SDHC: variants seen among roughly 807,000 people sequenced by gnomAD.
SDHC encodes the protein succinate dehydrogenase complex subunit C, also known as succinate dehydrogenase cytochrome b560 subunit, mitochondrial.
SDHC carries 11 observed loss-of-function variants against 22.6 expected under a neutral mutation model. The ratio of observed to expected loss-of-function variants is 0.49; its 90% CI spans 0.31 to 0.81. The LOEUF (loss-of-function observed/expected upper bound fraction) is 0.81. SDHC is among the 30% of genes least tolerant of loss of function. The pLI is 0.05. For synonymous variants in SDHC, 80 were observed against 77.8 expected, an observed-to-expected ratio of 1.03 and a Z score of -0.15; for missense variants, 160 against 212.0, an observed-to-expected ratio of 0.75 and a Z score of 1.52.
intron 4 of SDHC, among the ~76,000 whole-genome samples, chr1:161,345,538 C>G (rs1671861632): frequency 6.6e-6 from 1 of 152,010 alleles, no homozygotes; most frequent in Non-Finnish European, 1.5e-5. Context: ...CTCACTGCAA[C>G]CTCCACCTCC....
rs574483993 is a variant in SDHC at position 161,317,112 on chromosome 1, G to A, written c.20+2687G>A. On this transcript the variant is annotated intron_variant, in intron 1 of 5. Coordinates refer to ENST00000367975, the MANE Select transcript of SDHC (RefSeq NM_003001.5). ...TGGCTCACTGCAACCGCCCCTGCCC[G>A]GGTTCAAGCATTTCTCCTGCCTCAG... Among the ~76,000 whole-genome samples the A allele has an allele frequency of 2.7e-5, 4 of 150,486 alleles. No individual in the cohort carries two copies. In the South Asian group the frequency reaches 6.4e-4, roughly 24 times the overall value.
At position 161,330,857 on chromosome 1, in the gene SDHC, A is replaced by T. The variant is rs187433491; in HGVS notation, c.179+2360A>T. The stretch of plus-strand genomic sequence containing the variant: ...TCTACGAAGATACAAAAAATTAGCC[A>T]GGTGTGGTGGTGCGCCTGTAGTCCC... On this transcript the variant is annotated intron_variant, in intron 3 of 5. Coordinates refer to ENST00000367975, the MANE Select transcript of SDHC (RefSeq NM_003001.5). Among the ~76,000 whole-genome samples, 37 of 152,064 alleles carry T rather than the reference A, an allele frequency of 2.4e-4. 1 individual carries two copies. The highest frequency in any genetic ancestry group is 2.4e-3 in the Admixed American group (37 of 15,264).
At chr1:161,344,731 T>C (rs1397259044) in intron 4 of SDHC, among the ~76,000 whole-genome samples, 1 of 152,202 alleles carries the variant, frequency 6.6e-6, no homozygotes, top group Non-Finnish European at 1.5e-5. Flanking sequence ...TTATTCCTTA[T>C]AAAATGGGCA....
chr1:161,316,738 TTTTC>T (rs1285353304), intron 1 of SDHC, among the ~76,000 whole-genome samples: 3 of 152,180 alleles, frequency 2.0e-5, no homozygotes, highest in Non-Finnish European at 4.4e-5. Flanking sequence ...AAAATTTTTT[TTTTC>T]TTGATAGAAG....
chr1:161,339,431 C>A, intron 3 of SDHC: 1 of 327,694 alleles, frequency 3.1e-6, no homozygotes, highest in Non-Finnish European at 5.4e-6. Flanking sequence ...ACGGCCCCCG[C>A]CTTGGCCTCC....
At position 161,340,597 on chromosome 1, in the gene SDHC, G is replaced by T; in HGVS notation, c.183G>T (p.Trp61Cys). Reference protein sequence around the residue: ...PLSPHITIYSWSLPMAMSICH... With the variant: ...PLSPHITIYSCSLPMAMSICH... ...GTCTTTGTGTGTTTCTTTACAGTTG[G>T]TCTCTTCCCATGGCGATGTCCATCT... is the stretch of plus-strand genomic sequence containing the variant. Residue 61 changes from tryptophan to cysteine, a missense_variant, in exon 4 of 6, where the codon TGG (tryptophan) becomes TGT (cysteine). By Grantham distance (215) the Trp-to-Cys change is radical. Coordinates refer to ENST00000367975, the MANE Select transcript of SDHC (RefSeq NM_003001.5). The T allele has an allele frequency of 6.2e-7, 1 of 1,613,524 alleles. No homozygotes were observed. Among genetic ancestry groups the T allele is most frequent in the Non-Finnish European group, 8.5e-7 (1 of 1,179,614 alleles).
intron 2 of SDHC, among the ~76,000 whole-genome samples, chr1:161,326,403 A>G (rs1257635718): frequency 1.3e-5 from 2 of 151,990 alleles, no homozygotes. Flanking sequence ...GATCTCATGT[A>G]GGAAGGAATT....
intron 3 of SDHC, among the ~76,000 whole-genome samples, chr1:161,333,037 C>G (rs55754455): frequency 0.037 from 5,686 of 152,314 alleles, 113 homozygotes; most frequent in African/African-American, 0.045. Flanking sequence ...TATTTACTTT[C>G]CATCTTATAA....
At chr1:161,339,143 C>T (rs1275224422) in intron 3 of SDHC, among the ~76,000 whole-genome samples, 4 of 151,870 alleles carry the variant, frequency 2.6e-5, no homozygotes, top group Admixed American at 1.3e-4. Context: ...CCACCGTGCC[C>T]GGCCTATAGT....
At chr1:161,341,569 G>C (rs1219351603) in intron 4 of SDHC, among the ~76,000 whole-genome samples, 1 of 152,144 alleles carries the variant, frequency 6.6e-6, no homozygotes, top group African/African-American at 2.4e-5. Context: ...AAGAGGGTCA[G>C]CTAGATTTAA....
chr1:161,331,139 G>GA lies in SDHC; in HGVS notation c.179+2643dup, dbSNP rs1220585818. ...TGCCTTCTGATGAGATGGTTGAGGG[G>GA]ATCTACTAGTAACATGCTTAATTTC... On this transcript the variant is annotated intron_variant, in intron 3 of 5. Coordinates refer to ENST00000367975, the MANE Select transcript of SDHC (RefSeq NM_003001.5). 3.9e-5 allele frequency among the ~76,000 whole-genome samples: 6 copies of GA among 152,128 alleles called. No individual in the cohort carries two copies. The East Asian group carries it at 1.2e-3, about 29-fold the overall frequency.
chr1:161,349,579 G>T (rs1006795112), intron 4 of SDHC, among the ~76,000 whole-genome samples: 2 of 152,256 alleles, frequency 1.3e-5, no homozygotes, highest in Non-Finnish European at 2.9e-5. Context: ...CAGGCAGGTA[G>T]CCTATTCTCT....
chr1:161,349,770 A>G (rs529038678), intron 4 of SDHC, among the ~76,000 whole-genome samples: 30 of 152,248 alleles, frequency 2.0e-4, no homozygotes, highest in Non-Finnish European at 3.7e-4. Context: ...GCACTTTGGA[A>G]TGAGACAGAT....
At chr1:161,348,162 T>C (rs1671966029) in intron 4 of SDHC, among the ~76,000 whole-genome samples, 1 of 144,170 alleles carries the variant, frequency 6.9e-6, no homozygotes, top group African/African-American at 2.7e-5. Context: ...TTTTTGTTTG[T>C]TTGTTTTTTT....
chr1:161,336,518 C>T (rs1220785664), intron 3 of SDHC, among the ~76,000 whole-genome samples: 1 of 151,674 alleles, frequency 6.6e-6, no homozygotes, highest in Non-Finnish European at 1.5e-5. Flanking sequence ...CTAAATTATT[C>T]TGAATCTGTA....
At chr1:161,360,740 A>T (rs60179510) in intron 5 of SDHC, among the ~76,000 whole-genome samples, 17,777 of 151,924 alleles carry the variant, frequency 0.12, 1,412 homozygotes, top group African/African-American at 0.22. Context: ...TAAAAAGAAA[A>T]GTGGGTTTTA....
chr1:161,327,918 C>G (rs897715738), intron 2 of SDHC, among the ~76,000 whole-genome samples: 1 of 151,472 alleles, frequency 6.6e-6, no homozygotes, highest in Admixed American at 6.6e-5. Flanking sequence ...GTTGCTATAA[C>G]AAGATGGAGT....
chr1:161,339,267 G>A (rs565078830), intron 3 of SDHC, among the ~76,000 whole-genome samples: 2 of 152,068 alleles, frequency 1.3e-5, no homozygotes, highest in South Asian at 2.1e-4. Context: ...ACTGCAGTCT[G>A]GAGTTCCTGG....
In SDHC at chr1:161,328,416, C is replaced by T. The variant is rs148566767; in HGVS notation, c.98C>T (p.Thr33Met). ...TTTAGTGCTGTTCCTTTGGGAACCA[C>T]GGCCAAAGAAGAGATGGAGCGGTTC... ...CIRNAVPLGTTAKEEMERFWN... is the reference protein window; with the variant it reads ...CIRNAVPLGTMAKEEMERFWN... Residue 33 changes from threonine (T) to methionine (M), a missense_variant, in exon 3 of 6, where the codon ACG becomes ATG. Transcript: ENST00000367975. 1.1e-4 allele frequency: 172 copies of T among 1,612,914 alleles called. No homozygotes were observed. The highest frequency in any genetic ancestry group is 1.3e-4 in the Non-Finnish European group (158 of 1,178,992).
Sources: gnomAD v4.1 joint callset for allele counts (sites outside exome capture counted in the v4.1 genomes callset) on GRCh38, gnomAD v4.1.1 for gene constraint, MANE v1.5 for transcripts, NCBI Gene and HGNC (gene_info 2026-07-23, HGNC 2026-07-21) for gene names.